Variants in SNX29 observed in about 807,000 individuals in gnomAD.
SNX29 encodes sorting nexin 29.
A neutral mutation model predicts 102.1 loss-of-function variants in SNX29; 78 were observed. The observed-to-expected ratio is 0.76, with a 90% confidence interval of 0.64 to 0.92. SNX29 has a LOEUF of 0.92. Among genes scored for constraint, SNX29 ranks in the 40% least tolerant of loss-of-function variants. The pLI is 0.00. For synonymous variants in SNX29, 580 were observed against 414.5 expected, an observed-to-expected ratio of 1.40 and a Z score of -4.85; for missense variants, 1,280 against 1,061.7, an observed-to-expected ratio of 1.21 and a Z score of -2.86.
intron 13 of SNX29, among the ~76,000 whole-genome samples, chr16:12,175,997 C>A (rs2076252417): frequency 7.0e-6 from 1 of 143,750 alleles, no homozygotes; most frequent in Non-Finnish European, 1.5e-5. Flanking sequence ...TAGAGCAAGA[C>A]CTTGTCTAAA....
At chr16:12,403,247 T>TA (rs1299100863) in intron 17 of SNX29, among the ~76,000 whole-genome samples, 2 of 140,180 alleles carry the variant, frequency 1.4e-5, no homozygotes, top group Non-Finnish European at 1.5e-5. Context: ...TGTGTGTGTG[T>TA]GTGTGTGTAG....
rs182949755 is a variant in SNX29, at chr16:12,537,870, A to T, written c.2318+13029A>T. Among the ~76,000 whole-genome samples, 397 of 152,034 alleles carry T rather than the reference A, an allele frequency of 2.6e-3. 1 individual carries two copies. Among genetic ancestry groups the T allele is most frequent in the Non-Finnish European group, 4.5e-3 (305 of 68,006 alleles). ...CATGGTGGCTCACGCTTATAGTCCC[A>T]GCTTTTTGGGACGCTAAGGCAGGAG... On this transcript the variant is annotated intron_variant, in intron 20 of 20. Transcript: ENST00000566228.
intron 20 of SNX29, among the ~76,000 whole-genome samples, chr16:12,536,223 A>T (rs1345154557): frequency 6.6e-6 from 1 of 151,968 alleles, no homozygotes; most frequent in Non-Finnish European, 1.5e-5. Context: ...TAAGAACAGG[A>T]TTTCATGTTT....
chr16:12,233,727 C>T (rs2077839622), intron 14 of SNX29, among the ~76,000 whole-genome samples: 1 of 152,136 alleles, frequency 6.6e-6, no homozygotes, highest in Non-Finnish European at 1.5e-5. Flanking sequence ...AACATTTTCA[C>T]TCCCTCACAA....
At chr16:12,517,534 A>G (rs1597701454) in intron 19 of SNX29, among the ~76,000 whole-genome samples, 2 of 152,144 alleles carry the variant, frequency 1.3e-5, no homozygotes, top group Non-Finnish European at 2.9e-5. Flanking sequence ...CCTCCAGGCC[A>G]TTCTTCCTAT....
At chr16:12,062,472 C>G (rs1445179784) in intron 9 of SNX29, among the ~76,000 whole-genome samples, 1 of 152,040 alleles carries the variant, frequency 6.6e-6, no homozygotes, top group Non-Finnish European at 1.5e-5. Flanking sequence ...CGGTTGAGCA[C>G]GTGCCCGTGT....
At chr16:12,123,926 C>T (rs2054091886) in intron 11 of SNX29, among the ~76,000 whole-genome samples, 1 of 152,186 alleles carries the variant, frequency 6.6e-6, no homozygotes, top group South Asian at 2.1e-4. Flanking sequence ...TTACTGGTCC[C>T]TGCTTTATCC....
intron 16 of SNX29, among the ~76,000 whole-genome samples, chr16:12,393,603 A>G (rs1354362823): frequency 6.6e-6 from 1 of 152,150 alleles, no homozygotes; most frequent in Non-Finnish European, 1.5e-5. Context: ...TGTGAACCGT[A>G]GAGGGTTACA....
At chr16:12,291,130 T>C (rs1274216788) in intron 15 of SNX29, among the ~76,000 whole-genome samples, 2 of 152,142 alleles carry the variant, frequency 1.3e-5, no homozygotes, top group African/African-American at 2.4e-5. Flanking sequence ...TTCTCTCTCT[T>C]TAGTGCTTTC....
intron 19 of SNX29, among the ~76,000 whole-genome samples, chr16:12,492,489 A>T (rs1270015573): frequency 6.6e-6 from 1 of 151,942 alleles, no homozygotes; most frequent in East Asian, 1.9e-4. Flanking sequence ...TTGCCTGTTC[A>T]CTCTGATGGT....
chr16:12,261,364 T>C (rs1348602465), intron 14 of SNX29, among the ~76,000 whole-genome samples: 2 of 133,914 alleles, frequency 1.5e-5, no homozygotes, highest in Non-Finnish European at 3.1e-5. Context: ...CTGGAGTGAG[T>C]GTTTGCTGAG....
chr16:12,467,450 A>G (rs2087107066), intron 18 of SNX29, among the ~76,000 whole-genome samples: 2 of 152,130 alleles, frequency 1.3e-5, no homozygotes, highest in Admixed American at 6.6e-5. Flanking sequence ...TTTGACATGT[A>G]TCCATCAGGC....
chr16:12,100,039 A>G (rs1208320499), intron 11 of SNX29, among the ~76,000 whole-genome samples: 1 of 152,176 alleles, frequency 6.6e-6, no homozygotes, highest in East Asian at 1.9e-4. Flanking sequence ...ATTGAGCAGA[A>G]TCAAGGCTCA....
rs769553761 is a variant in SNX29 at position 12,043,075 on chromosome 16, G to C, written c.426G>C (p.Leu142=). The C allele has an allele frequency of 1.9e-6, 3 of 1,613,112 alleles. No individual in the cohort carries two copies. The highest frequency in any genetic ancestry group is 2.5e-6 in the Non-Finnish European group (3 of 1,179,806). The stretch of plus-strand genomic sequence containing the variant: ...TGCTCCTGGCCGACCGCTGCAGGCT[G>C]AGGTACGTGGCCGGGATGCGAACTG... ...LHMLLADRCR[L]STFYEDWSFV... is the part of the protein sequence containing the mutation. Residue 142 remains leucine, a splice_region_variant and synonymous_variant, in exon 5 of 21, where the codon CTG becomes CTC. Transcript: ENST00000566228.
intron 20 of SNX29, among the ~76,000 whole-genome samples, chr16:12,536,607 G>GT (rs757644586): frequency 2.6e-5 from 4 of 152,194 alleles, no homozygotes; most frequent in Non-Finnish European, 4.4e-5. Context: ...GCACTAACTA[G>GT]TTTGGCTGTG....
At chr16:12,085,883 A>C (rs1163425570) in intron 11 of SNX29, among the ~76,000 whole-genome samples, 3 of 152,214 alleles carry the variant, frequency 2.0e-5, no homozygotes, top group African/African-American at 7.2e-5. Context: ...CCAAGGCCTC[A>C]TGGCTAGTAG....
intron 20 of SNX29, among the ~76,000 whole-genome samples, chr16:12,545,968 G>A (rs1305251312): frequency 2.0e-5 from 3 of 152,162 alleles, no homozygotes; most frequent in African/African-American, 4.8e-5. Flanking sequence ...CAGGATGTGT[G>A]CTTCAGTGGG....
Position 12,568,702 on chromosome 16 carries a change from C to CT in SNX29, c.*73_*74insT. On this transcript the variant is annotated 3_prime_UTR_variant, in exon 21 of 21. Coordinates refer to ENST00000566228, the MANE Select transcript of SNX29 (RefSeq NM_032167.5). ...TCCACCCCAGCCACTGCCGCTGGCC[C>CT]CTCACCTCAGCGTGACAACCACGTC... 1 of 1,565,086 alleles carries CT rather than the reference C, an allele frequency of 6.4e-7. No homozygotes were observed. Among genetic ancestry groups the CT allele is most frequent in the Non-Finnish European group, 8.6e-7 (1 of 1,160,956 alleles).
At chr16:12,538,294 TGTTTTTTA>T (rs1229127914) in intron 20 of SNX29, among the ~76,000 whole-genome samples, 5 of 151,884 alleles carry the variant, frequency 3.3e-5, no homozygotes, top group Non-Finnish European at 5.9e-5. Context: ...TTTGTATTTT[TGTTTTTTA>T]GTAGAGAGGG....
Sources: allele counts gnomAD v4.1 joint callset (sites outside exome capture counted in the v4.1 genomes callset), GRCh38; gene constraint gnomAD v4.1.1; transcripts MANE v1.5; gene names NCBI Gene and HGNC (gene_info 2026-07-23, HGNC 2026-07-21).